The following LMX1A variants were observed in gnomAD, a reference collection of about 807,000 sequenced individuals.
LMX1A encodes LIM homeobox transcription factor 1 alpha, also known as LIM homeobox transcription factor 1-alpha.
In LMX1A, 15 loss-of-function variants were observed where a neutral mutation model predicts 49.1. The ratio of observed to expected loss-of-function variants is 0.31; its 90% CI spans 0.20 to 0.47. The LOEUF (loss-of-function observed/expected upper bound fraction) is 0.47. LMX1A is among the 20% of genes least tolerant of loss of function. The pLI is 1.00. For missense variants in LMX1A, 372 were observed against 475.8 expected, an observed-to-expected ratio of 0.78 and a Z score of 2.03; for synonymous variants, 167 against 185.7, an observed-to-expected ratio of 0.90 and a Z score of 0.82.
At chr1:165,256,633 A>G (rs1292829938) in intron 3 of LMX1A, among the ~76,000 whole-genome samples, 1 of 152,250 alleles carries the variant, frequency 6.6e-6, no homozygotes, top group Non-Finnish European at 1.5e-5. Context: ...TTAATAGAAG[A>G]GTATCATTGG....
intron 3 of LMX1A, among the ~76,000 whole-genome samples, chr1:165,330,688 G>C (rs1340539022): frequency 3.9e-5 from 6 of 152,142 alleles, no homozygotes; most frequent in African/African-American, 1.4e-4. Context: ...TGTTCTTACA[G>C]GCTTTAGTCA....
intron 4 of LMX1A, among the ~76,000 whole-genome samples, chr1:165,217,132 T>C (rs1651669660): frequency 6.6e-6 from 1 of 152,214 alleles, no homozygotes; most frequent in African/African-American, 2.4e-5. Context: ...TCTTTGCAGA[T>C]ATGACCCTAG....
At chr1:165,317,054 A>C (rs546102345) in intron 3 of LMX1A, among the ~76,000 whole-genome samples, 1 of 152,344 alleles carries the variant, frequency 6.6e-6, no homozygotes, top group African/African-American at 2.4e-5. Flanking sequence ...ACTCTCCTTC[A>C]TACATTTCTG....
chr1:165,243,952 A>G (rs1571173358), intron 4 of LMX1A, among the ~76,000 whole-genome samples: 1 of 152,344 alleles, frequency 6.6e-6, no homozygotes, highest in East Asian at 1.9e-4. Context: ...GTCACTGGAA[A>G]GGCCAAGGCA....
At chr1:165,323,096 T>C (rs1208282573) in intron 3 of LMX1A, among the ~76,000 whole-genome samples, 5 of 152,166 alleles carry the variant, frequency 3.3e-5, no homozygotes, top group African/African-American at 7.2e-5. Context: ...TAATTCCAGA[T>C]CACTACTTAC....
At chr1:165,329,110 C>T (rs1392839909) in intron 3 of LMX1A, among the ~76,000 whole-genome samples, 2 of 152,130 alleles carry the variant, frequency 1.3e-5, no homozygotes, top group East Asian at 1.9e-4. Context: ...AGAAAAATTA[C>T]AATCATGGCA....
intron 3 of LMX1A, among the ~76,000 whole-genome samples, chr1:165,278,312 C>T (rs1654031263): frequency 6.6e-6 from 1 of 152,224 alleles, no homozygotes; most frequent in South Asian, 2.1e-4. Context: ...ATGACTTACT[C>T]ATCTTTGTAC....
chr1:165,336,950 G>A (rs1655915428), intron 3 of LMX1A, among the ~76,000 whole-genome samples: 1 of 152,210 alleles, frequency 6.6e-6, no homozygotes, highest in South Asian at 2.1e-4. Flanking sequence ...GAAATTATGG[G>A]AAGATGGGGA....
chr1:165,303,574 T>G (rs1654842935), intron 3 of LMX1A, among the ~76,000 whole-genome samples: 1 of 152,242 alleles, frequency 6.6e-6, no homozygotes, highest in South Asian at 2.1e-4. Context: ...GGTCACGGAC[T>G]TGGCTTCGGC....
At chr1:165,249,876 T>C (rs1317302088) in intron 3 of LMX1A, among the ~76,000 whole-genome samples, 1 of 152,168 alleles carries the variant, frequency 6.6e-6, no homozygotes, top group Non-Finnish European at 1.5e-5. Context: ...GTGGTACATA[T>C]ACACCATGGA....
chr1:165,218,257 T>C (rs1303013380), intron 4 of LMX1A, among the ~76,000 whole-genome samples: 1 of 152,226 alleles, frequency 6.6e-6, no homozygotes, highest in Non-Finnish European at 1.5e-5. Context: ...GTTAGCATGG[T>C]TTGATATGTT....
chr1:165,302,209 G>T (rs908052475), intron 3 of LMX1A, among the ~76,000 whole-genome samples: 5 of 151,940 alleles, frequency 3.3e-5, no homozygotes, highest in Admixed American at 1.3e-4. Flanking sequence ...AGGCCGGTGG[G>T]GGGCGGGGTG....
chr1:165,339,267 C>A (rs1655993965), intron 3 of LMX1A, among the ~76,000 whole-genome samples: 1 of 152,224 alleles, frequency 6.6e-6, no homozygotes, highest in Non-Finnish European at 1.5e-5. Context: ...GTCTGGTTAA[C>A]AAGGAAGATG....
At chr1:165,229,715 G>GT (rs1009289596) in intron 4 of LMX1A, among the ~76,000 whole-genome samples, 12 of 137,370 alleles carry the variant, frequency 8.7e-5, no homozygotes, top group African/African-American at 2.4e-4. Context: ...AATCAGGAGG[G>GT]TTTTTTTGTT....
At chr1:165,319,597 C>T (rs558184878) in intron 3 of LMX1A, among the ~76,000 whole-genome samples, 65 of 151,888 alleles carry the variant, frequency 4.3e-4, no homozygotes, top group Admixed American at 8.5e-4. Context: ...GACTTAAGTT[C>T]GATAATATTA....
At chr1:165,235,308 G>T (rs979529090) in intron 4 of LMX1A, among the ~76,000 whole-genome samples, 1 of 152,138 alleles carries the variant, frequency 6.6e-6, no homozygotes, top group Non-Finnish European at 1.5e-5. Context: ...GTGCGAGGAG[G>T]GCTGGAGGCA....
intron 3 of LMX1A, among the ~76,000 whole-genome samples, chr1:165,249,902 A>G (rs1439099633): frequency 6.6e-6 from 1 of 152,208 alleles, no homozygotes; most frequent in Non-Finnish European, 1.5e-5. Flanking sequence ...ATGCAGCCAT[A>G]AAAAGGAACA....
intron 4 of LMX1A, among the ~76,000 whole-genome samples, chr1:165,222,379 T>C (rs1485424946): frequency 1.3e-5 from 2 of 152,202 alleles, no homozygotes; most frequent in Admixed American, 1.3e-4. Context: ...TTCAAATGAA[T>C]AAGGTTTGAG....
At chr1:165,217,051 T>C (rs879493574) in intron 4 of LMX1A, among the ~76,000 whole-genome samples, 1 of 152,196 alleles carries the variant, frequency 6.6e-6, no homozygotes, top group Admixed American at 6.5e-5. Context: ...TTCTGACATG[T>C]GTTGTCAGTT....
Sources: gnomAD v4.1 joint callset for allele counts (sites outside exome capture counted in the v4.1 genomes callset) on GRCh38, gnomAD v4.1.1 for gene constraint, MANE v1.5 for transcripts, NCBI Gene and HGNC (gene_info 2026-07-23, HGNC 2026-07-21) for gene names.